CPA6: variants seen among roughly 807,000 people sequenced by gnomAD.
The protein encoded by CPA6 is carboxypeptidase A6.
CPA6 carries 58 observed loss-of-function variants against 63.3 expected under a neutral mutation model. The ratio of observed to expected loss-of-function variants is 0.92; its 90% CI spans 0.74 to 1.14. The LOEUF (loss-of-function observed/expected upper bound fraction) is 1.14. Among genes scored for constraint, CPA6 ranks in the 50% most tolerant of loss-of-function variants. The pLI is 0.00. For missense variants in CPA6, 565 were observed against 526.6 expected, an observed-to-expected ratio of 1.07 and a Z score of -0.71; for synonymous variants, 185 against 179.0, an observed-to-expected ratio of 1.03 and a Z score of -0.27.
At chr8:67,504,214 G>T (rs1321261316) in intron 6 of CPA6, among the ~76,000 whole-genome samples, 7 of 152,160 alleles carry the variant, frequency 4.6e-5, no homozygotes, top group Admixed American at 2.0e-4. Flanking sequence ...CAGGATCCTA[G>T]AAAGGCTGAT....
At chr8:67,743,392 G>C (rs913258534) in intron 1 of CPA6, among the ~76,000 whole-genome samples, 1 of 151,888 alleles carries the variant, frequency 6.6e-6, no homozygotes, top group African/African-American at 2.4e-5. Context: ...GAGATGTTTT[G>C]ACACAGGCAT....
At chr8:67,447,552 C>T (rs560924617) in intron 8 of CPA6, among the ~76,000 whole-genome samples, 4 of 130,048 alleles carry the variant, frequency 3.1e-5, no homozygotes, top group South Asian at 4.8e-4. Context: ...CACACATACA[C>T]ATTTTAAATA....
intron 1 of CPA6, among the ~76,000 whole-genome samples, chr8:67,628,269 T>A (rs184416739): frequency 6.6e-6 from 1 of 152,208 alleles, no homozygotes; most frequent in African/African-American, 2.4e-5. Context: ...CCCATATTGA[T>A]TGCCATTCTT....
chr8:67,443,624 G>T (rs139233154), intron 8 of CPA6, among the ~76,000 whole-genome samples: 199 of 152,240 alleles, frequency 1.3e-3, no homozygotes, highest in African/African-American at 4.3e-3. Flanking sequence ...TTTCCAGAAA[G>T]AAACCCCATA....
chr8:67,624,288 C>T (rs778437673), intron 1 of CPA6, 37 bp from the exon 2 acceptor site: 22 of 1,185,666 alleles, frequency 1.9e-5, no homozygotes, highest in Middle Eastern at 2.2e-4. Flanking sequence ...AATTACTTTT[C>T]GAAAATAAAG....
chr8:67,515,227 G>A (rs538307302), intron 3 of CPA6, among the ~76,000 whole-genome samples: 13 of 152,096 alleles, frequency 8.5e-5, no homozygotes, highest in Admixed American at 2.0e-4. Context: ...CTTAGGATTC[G>A]CAGCAAAGGG....
At chr8:67,716,379 A>T (rs1321379093) in intron 1 of CPA6, among the ~76,000 whole-genome samples, 3 of 152,180 alleles carry the variant, frequency 2.0e-5, no homozygotes, top group Non-Finnish European at 4.4e-5. Flanking sequence ...TGTAAGGTGT[A>T]CATTGGTTTG....
At chr8:67,623,274 G>A (rs1307355653) in intron 2 of CPA6, among the ~76,000 whole-genome samples, 2 of 152,152 alleles carry the variant, frequency 1.3e-5, no homozygotes, top group African/African-American at 4.8e-5. Flanking sequence ...ACAAAACCAT[G>A]TATTGAACTT....
At chr8:67,624,597 A>G (rs528888431) in intron 1 of CPA6, among the ~76,000 whole-genome samples, 2 of 152,388 alleles carry the variant, frequency 1.3e-5, no homozygotes, top group South Asian at 4.1e-4. Flanking sequence ...TGATGACAGA[A>G]GAAAGAAAAG....
intron 8 of CPA6, among the ~76,000 whole-genome samples, chr8:67,471,162 A>G (rs559213935): frequency 1.3e-5 from 2 of 152,060 alleles, no homozygotes; most frequent in East Asian, 1.9e-4. Context: ...CCCACCAAAG[A>G]TTCTCCCAAT....
chr8:67,529,928 A>G (rs188627848), intron 2 of CPA6, among the ~76,000 whole-genome samples: 97 of 152,280 alleles, frequency 6.4e-4, no homozygotes, highest in African/African-American at 2.1e-3. Flanking sequence ...GATATTCCCT[A>G]AAATCTTCCA....
chr8:67,554,871 G>A (rs1813024848), intron 2 of CPA6, among the ~76,000 whole-genome samples: 3 of 152,114 alleles, frequency 2.0e-5, no homozygotes, highest in African/African-American at 7.2e-5. Flanking sequence ...TGCCTGCATG[G>A]AGGGTAGATC....
intron 2 of CPA6, among the ~76,000 whole-genome samples, chr8:67,607,245 T>TCCTC (rs1564021503): frequency 5.9e-5 from 5 of 84,564 alleles, no homozygotes; most frequent in Non-Finnish European, 9.6e-5. Flanking sequence ...TTCTTCTTCT[T>TCCTC]CTTCTTCTCC....
intron 2 of CPA6, among the ~76,000 whole-genome samples, chr8:67,575,428 C>A (rs1813596764): frequency 6.6e-6 from 1 of 152,210 alleles, no homozygotes; most frequent in African/African-American, 2.4e-5. Flanking sequence ...AAAGACATGT[C>A]TACACTCCTA....
intron 1 of CPA6, among the ~76,000 whole-genome samples, chr8:67,661,412 C>G (rs527919136): frequency 1.3e-5 from 2 of 152,126 alleles, no homozygotes; most frequent in Admixed American, 6.5e-5. Flanking sequence ...TCCAAGGGAC[C>G]GAGGAAGCCG....
At chr8:67,664,881 G>A (rs916528752) in intron 1 of CPA6, among the ~76,000 whole-genome samples, 9 of 152,132 alleles carry the variant, frequency 5.9e-5, no homozygotes, top group African/African-American at 2.2e-4. Context: ...TACAAGGCAA[G>A]TTTAATGTAT....
intron 2 of CPA6, among the ~76,000 whole-genome samples, chr8:67,609,433 A>G (rs1814745726): frequency 6.6e-6 from 1 of 152,134 alleles, no homozygotes; most frequent in Non-Finnish European, 1.5e-5. Context: ...TGTGATATAG[A>G]TCTTATTTGT....
chr8:67,483,350 G>A (rs1381015144), intron 8 of CPA6: 2 of 200,872 alleles, frequency 1.0e-5, no homozygotes, highest in African/African-American at 2.4e-5. Flanking sequence ...CAGAGTGGTA[G>A]AATATAGACA....
At chr8:67,723,862 C>G (rs1247452673) in intron 1 of CPA6, among the ~76,000 whole-genome samples, 1 of 152,042 alleles carries the variant, frequency 6.6e-6, no homozygotes, top group African/African-American at 2.4e-5. Context: ...CATTTTTAAA[C>G]AAGCTAAAAC....
Sources: gnomAD v4.1 joint callset for allele counts (sites outside exome capture counted in the v4.1 genomes callset) on GRCh38, gnomAD v4.1.1 for gene constraint, MANE v1.5 for transcripts, NCBI Gene and HGNC (gene_info 2026-07-23, HGNC 2026-07-21) for gene names.